The following SPEF2 variants were observed in gnomAD, a reference collection of about 807,000 sequenced individuals.
SPEF2 encodes the protein sperm flagellar and cilia associated 2.
A neutral mutation model predicts 224.6 loss-of-function variants in SPEF2; 187 were observed. The ratio of observed to expected loss-of-function variants is 0.83; its 90% confidence interval spans 0.74 to 0.94. The LOEUF (loss-of-function observed/expected upper bound fraction) is 0.94, where lower values mean the gene tolerates loss of function less well. SPEF2 is among the 40% of genes least tolerant of loss of function. The pLI is 0.00. For missense variants in SPEF2, 2,170 were observed against 2,135.6 expected (o/e 1.02, Z -0.32); for synonymous variants, 715 against 707.3 (o/e 1.01, Z -0.17).
intron 10 of SPEF2, among the ~76,000 whole-genome samples, chr5:35,680,615 T>C (rs188407841): frequency 6.6e-6 from 1 of 152,230 alleles, no homozygotes; most frequent in African/African-American, 2.4e-5. Flanking sequence ...CACAGTTTAG[T>C]AGGGATGAGA....
At chr5:35,709,651 G>C (rs1370312576) in intron 19 of SPEF2, 1 of 897,670 alleles carries the variant, frequency 1.1e-6, no homozygotes, top group African/African-American at 2.6e-5. Flanking sequence ...ATATATTTAT[G>C]GACACAGAGA....
intron 10 of SPEF2, among the ~76,000 whole-genome samples, chr5:35,674,574 T>G (rs1265882853): frequency 7.3e-6 from 1 of 136,976 alleles, no homozygotes; most frequent in Non-Finnish European, 1.5e-5. Flanking sequence ...TCCCCTTCCT[T>G]TGTCCATGTG....
chr5:35,726,692 G>T (rs1744701830), intron 20 of SPEF2, among the ~76,000 whole-genome samples: 1 of 152,174 alleles, frequency 6.6e-6, no homozygotes, highest in African/African-American at 2.4e-5. Context: ...TTTGGAGGAA[G>T]AAAGTGCTCC....
At position 35,667,191 on chromosome 5, in the gene SPEF2, T is replaced by G. The variant is rs1474146549; in HGVS notation, c.1287T>G (p.Cys429Trp). 2 of 1,610,666 alleles carry G rather than the reference T, an allele frequency of 1.2e-6. No homozygotes were observed. Among genetic ancestry groups the G allele is most frequent in the Non-Finnish European group, 1.7e-6 (2 of 1,177,882 alleles). Residue 429 changes from cysteine (C) to tryptophan (W), a missense_variant, in exon 9 of 37, where the codon TGT becomes TGG. Cys to Trp is a radical substitution (Grantham distance 215, BLOSUM62 -2). Coordinates refer to ENST00000356031, the MANE Select transcript of SPEF2 (RefSeq NM_024867.4). Reference protein sequence around the residue: ...QARYEKHYSVCAEILDQIVDL... With the variant: ...QARYEKHYSVWAEILDQIVDL... Reference sequence around the variant, plus strand: ...GTTATGAAAAGCATTATTCAGTATGTGCAGAAATTTTGGATCAAATAGTTG... The same window carrying G: ...GTTATGAAAAGCATTATTCAGTATGGGCAGAAATTTTGGATCAAATAGTTG...
In SPEF2 at chr5:35,806,909, A is replaced by G. The variant is rs757619234; in HGVS notation, c.5213A>G (p.Asn1738Ser). 31 of 1,612,356 alleles carry G rather than the reference A, an allele frequency of 1.9e-5. No homozygotes were observed. Among genetic ancestry groups the G allele is most frequent in the African/African-American group, 2.7e-5 (2 of 74,792 alleles). The change falls in exon 35 of 37, where the codon AAT (asparagine) becomes AGT (serine). Residue 1738 changes from asparagine (N) to serine (S), a missense_variant. Physicochemically the swap from Asn to Ser is conservative, Grantham distance 46 (BLOSUM62 1). Coordinates refer to ENST00000356031, the MANE Select transcript of SPEF2 (RefSeq NM_024867.4). ...FKGGSEAQDSNRFASHLKIEN... is the reference protein window; with the variant it reads ...FKGGSEAQDSSRFASHLKIEN... ...GGGGGAAGTGAAGCACAGGACTCCA[A>G]TAGATTTGCCAGCCACCTAAAGATA...
chr5:35,636,075 C>T (rs1745793841), intron 2 of SPEF2, among the ~76,000 whole-genome samples: 1 of 151,926 alleles, frequency 6.6e-6, no homozygotes, highest in African/African-American at 2.4e-5. Flanking sequence ...ATTACATATT[C>T]CCAGGGTTTG....
At chr5:35,788,303 A>G (rs1378683901) in intron 30 of SPEF2, 2 of 703,004 alleles carry the variant, frequency 2.8e-6, no homozygotes, top group South Asian at 1.5e-5. Context: ...CAAAGATTTT[A>G]TTTGGATGTG....
chr5:35,690,913 T>C, intron 10 of SPEF2, 124 bp from the exon 11 acceptor site: 1 of 641,164 alleles, frequency 1.6e-6, no homozygotes, highest in South Asian at 2.6e-5. Flanking sequence ...TTTTATAATA[T>C]AATTAAAGTA....
chr5:35,696,389 G>C (rs1199956868), intron 14 of SPEF2, among the ~76,000 whole-genome samples: 1 of 152,054 alleles, frequency 6.6e-6, no homozygotes, highest in African/African-American at 2.4e-5. Context: ...AGTTTTGGAA[G>C]GATATACACC....
chr5:35,801,201 T>C (rs964348585), intron 34 of SPEF2, among the ~76,000 whole-genome samples: 5 of 152,312 alleles, frequency 3.3e-5, no homozygotes, highest in African/African-American at 1.2e-4. Context: ...TCTTTGACAG[T>C]AGAAGCCCAG....
intron 2 of SPEF2, among the ~76,000 whole-genome samples, chr5:35,635,957 A>G (rs1745773094): frequency 6.6e-6 from 1 of 151,862 alleles, no homozygotes; most frequent in Admixed American, 6.6e-5. Context: ...CGGAGTTTCT[A>G]TTCACTTTTT....
intron 2 of SPEF2, among the ~76,000 whole-genome samples, chr5:35,634,395 G>T (rs1745543570): frequency 6.6e-6 from 1 of 152,054 alleles, no homozygotes; most frequent in African/African-American, 2.4e-5. Context: ...TCTTGTATTT[G>T]ATGTCTTCTT....
intron 24 of SPEF2, among the ~76,000 whole-genome samples, chr5:35,755,673 G>A (rs1162322789): frequency 6.6e-6 from 1 of 152,114 alleles, no homozygotes; most frequent in Non-Finnish European, 1.5e-5. Flanking sequence ...GCAATGGTGC[G>A]ATCTCACCTC....
At chr5:35,790,853 C>A (rs1348490483) in intron 30 of SPEF2, 1 of 152,242 alleles carries the variant, frequency 6.6e-6, no homozygotes, top group Non-Finnish European at 1.5e-5. Context: ...TATGTTATTG[C>A]AACCATATCA....
chr5:35,758,273 G>A (rs1248281526), intron 24 of SPEF2, among the ~76,000 whole-genome samples: 1 of 152,096 alleles, frequency 6.6e-6, no homozygotes, highest in Non-Finnish European at 1.5e-5. Context: ...GAATTCATCT[G>A]TATCAGGAGC....
rs1753247559 is a variant in SPEF2 at position 35,773,997 on chromosome 5, C to T, written c.4054C>T (p.His1352Tyr). 1 of 1,612,738 alleles carries T rather than the reference C, an allele frequency of 6.2e-7. No individual in the cohort carries two copies. The highest frequency in any genetic ancestry group is 8.5e-7 in the Non-Finnish European group (1 of 1,179,358). ...ACTGAGGGTCAAAATAAAAGAAGAA[C>T]ACCTTGCTGCCTTGCAATTTGAAGG... ...NELRVKIKEEHLAALQFEEIA... is the reference protein window; with the variant it reads ...NELRVKIKEEYLAALQFEEIA... The change falls in exon 28 of 37, where the codon CAC (histidine) becomes TAC (tyrosine). Residue 1352 changes from histidine (H) to tyrosine (Y), a missense_variant. By Grantham distance (83) the His-to-Tyr change is moderately conservative. Transcript: ENST00000356031.
chr5:35,658,112 A>T lies in SPEF2; in HGVS notation c.979-907A>T, dbSNP rs1194057511. Among the ~76,000 whole-genome samples, 3 of 152,290 alleles carry T rather than the reference A, an allele frequency of 2.0e-5. No individual in the cohort carries two copies. In the South Asian group the frequency reaches 6.2e-4, roughly 32 times the overall value. On this transcript the variant is annotated intron_variant, in intron 7 of 36. Coordinates refer to ENST00000356031, the MANE Select transcript of SPEF2 (RefSeq NM_024867.4). Reference sequence around the variant, plus strand: ...TGTTTCGAAAGAGTGAGAGAGCTTGATGGGGACTTGGATATTATCTTCCAC... The same window carrying T: ...TGTTTCGAAAGAGTGAGAGAGCTTGTTGGGGACTTGGATATTATCTTCCAC...
chr5:35,621,096 A>G (rs892252063), intron 1 of SPEF2, among the ~76,000 whole-genome samples: 1 of 152,214 alleles, frequency 6.6e-6, no homozygotes, highest in Non-Finnish European at 1.5e-5. Context: ...TAAAGATGAA[A>G]GATCAAAAGA....
At chr5:35,705,313 A>C (rs1739529861) in intron 17 of SPEF2, among the ~76,000 whole-genome samples, 1 of 152,072 alleles carries the variant, frequency 6.6e-6, no homozygotes, top group Non-Finnish European at 1.5e-5. Flanking sequence ...GCCTAGGTGC[A>C]TCAGGCTGTA....
Sources: allele counts gnomAD v4.1 joint callset (sites outside exome capture counted in the v4.1 genomes callset), GRCh38; gene constraint gnomAD v4.1.1; transcripts MANE v1.5; gene names NCBI Gene and HGNC (gene_info 2026-07-23, HGNC 2026-07-21).